Variants in ZSCAN29 observed in about 807,000 individuals in gnomAD.
ZSCAN29 encodes the protein zinc finger and SCAN domain-containing protein 29.
In ZSCAN29, 55 loss-of-function variants were observed where a neutral mutation model predicts 71.9. The ratio of observed to expected loss-of-function variants is 0.76; its 90% CI spans 0.62 to 0.96. The LOEUF is 0.96. ZSCAN29 is among the 40% of genes least tolerant of loss of function. The pLI is 0.00. For synonymous variants in ZSCAN29, 351 were observed against 371.6 expected (o/e 0.94, Z 0.64); for missense variants, 1,042 against 1,042.2 (o/e 1.00, Z 0.00).
rs368938451 is a variant in ZSCAN29 at position 43,361,922 on chromosome 15, C to T, written c.1710G>A (p.Glu570=). 2 of 1,608,248 alleles carry T rather than the reference C, an allele frequency of 1.2e-6. No individual in the cohort carries two copies. The highest frequency in any genetic ancestry group is 2.2e-5 in the South Asian group (2 of 90,416). ...TATCCCGTTTTGAATTATCTTCATT[C>T]TCAAATCCAGCTTCAAAACCTGATG... ...QSPRGFEAGF[E]NEDNSKRDIS... Residue 570 remains glutamate, a synonymous_variant, in exon 6 of 6, where the codon GAG becomes GAA. Coordinates refer to ENST00000684362, the MANE Select transcript of ZSCAN29 (RefSeq NM_001372080.1).
chr15:43,359,598 A>C lies in ZSCAN29; in HGVS notation c.*1475T>G, dbSNP rs2043961559. 6.6e-6 allele frequency: 1 copy of C among 152,240 alleles called. No homozygotes were observed. Among genetic ancestry groups the C allele is most frequent in the South Asian group, 2.1e-4 (1 of 4,830 alleles). The allele number at this position is 152,240 out of a possible 1,614,324, so 9.4% of individuals were successfully genotyped here. ...GGGAATGTGGCAGTGGCTTCTGCTT[A>C]TTGCAGGTAAGTGCCCATGGAGGGC... On this transcript the variant is annotated 3_prime_UTR_variant, in exon 6 of 6. Transcript: ENST00000684362.
chr15:43,366,576 C>T lies in ZSCAN29; in HGVS notation c.756G>A (p.Glu252=). The change falls in exon 4 of 6, where the codon GAG becomes GAA. Residue 252 remains glutamate, a synonymous_variant. Transcript: ENST00000684362. ...KVAGVHWGYE[E]TRTLLAILSQ... The stretch of plus-strand genomic sequence containing the variant: ...TGAGAATTGCGAGGAGCGTTCTGGT[C>T]TCTTCATAGCCCCAGTGCACACCTG... The T allele has an allele frequency of 1.2e-6, 2 of 1,614,244 alleles. No individual in the cohort carries two copies. The highest frequency in any genetic ancestry group is 8.5e-7 in the Non-Finnish European group (1 of 1,180,044).
At position 43,371,021 on chromosome 15, in the gene ZSCAN29, A is replaced by G. The variant is rs1219240343; in HGVS notation, c.-576T>C. 8.7e-6 allele frequency: 3 copies of G among 345,334 alleles called. No individual in the cohort carries two copies. The highest frequency in any genetic ancestry group is 2.1e-5 in the African/African-American group (1 of 47,180). 21.4% of individuals were successfully genotyped at this position (345,334 alleles called of 1,614,324 possible). A position where few individuals can be genotyped will look rare whatever the true frequency, so the allele number is the denominator to read the frequency against. On this transcript the variant is annotated 5_prime_UTR_variant, in exon 1 of 6. Transcript: ENST00000684362. ...CCGGCCCCGGCTCTCCAGCCTCCCA[A>G]GTACAGCTCCCAAACCGGAAGTCCG...
chr15:43,360,782 C>T lies in ZSCAN29; in HGVS notation c.*291G>A. 2 of 342,486 alleles carry T rather than the reference C, an allele frequency of 5.8e-6. No individual in the cohort carries two copies. Among genetic ancestry groups the T allele is most frequent in the Non-Finnish European group, 1.1e-5 (2 of 186,468 alleles). The allele number at this position is 342,486 out of a possible 1,614,324, so 21.2% of individuals were successfully genotyped here. A position where few individuals can be genotyped will look rare whatever the true frequency, so the allele number is the denominator to read the frequency against. On this transcript the variant is annotated 3_prime_UTR_variant, in exon 6 of 6. Coordinates refer to ENST00000684362, the MANE Select transcript of ZSCAN29 (RefSeq NM_001372080.1). ...TTATCAAATTCATAGGATCTATTACCTTGTCCTCTGTGCTTATATTAAGGG... is the reference window on the plus strand; with the variant it reads ...TTATCAAATTCATAGGATCTATTACTTTGTCCTCTGTGCTTATATTAAGGG...
In ZSCAN29 at chr15:43,361,753, T is replaced by C; in HGVS notation, c.1879A>G (p.Lys627Glu). ...WAKTSGEKRG[K>E]LTLPEKSLSE... ...AAGCTCTTCTCCGGGAGTGTCAGTT[T>C]TCCTCTTTTCTCCCCTGAGGTCTTT... Residue 627 changes from lysine to glutamate, a missense_variant, in exon 6 of 6, where the codon AAA (lysine) becomes GAA (glutamate). Transcript: ENST00000684362. The C allele has an allele frequency of 6.2e-7, 1 of 1,614,212 alleles. No homozygotes were observed. The highest frequency in any genetic ancestry group is 8.5e-7 in the Non-Finnish European group (1 of 1,180,042).
Position 43,360,944 on chromosome 15 carries a change from C to G in ZSCAN29, c.*129G>C, listed in dbSNP as rs1258164659. On this transcript the variant is annotated 3_prime_UTR_variant, in exon 6 of 6. Coordinates refer to ENST00000684362, the MANE Select transcript of ZSCAN29 (RefSeq NM_001372080.1). The stretch of plus-strand genomic sequence containing the variant: ...TAGATCAGGAAAAACAAGGAACAAA[C>G]AGTGGCATAAATCCTAAAGTGAATT... 3 of 1,274,502 alleles carry G rather than the reference C, an allele frequency of 2.4e-6. No individual in the cohort carries two copies. Among genetic ancestry groups the G allele is most frequent in the Non-Finnish European group, 3.2e-6 (3 of 929,782 alleles). The allele number at this position is 1,274,502 out of a possible 1,614,324, so 78.9% of individuals were successfully genotyped here. A position where few individuals can be genotyped will look rare whatever the true frequency, so the allele number is the denominator to read the frequency against.
At position 43,359,648 on chromosome 15, in the gene ZSCAN29, A is replaced by T. The variant is rs1387330351; in HGVS notation, c.*1425T>A. On this transcript the variant is annotated 3_prime_UTR_variant, in exon 6 of 6. Coordinates refer to ENST00000684362, the MANE Select transcript of ZSCAN29 (RefSeq NM_001372080.1). Reference sequence around the variant, plus strand: ...CATAACACTATACCAGGTGTGTGGAATATGGACGAGTTCCTATTGGCAGCT... The same window carrying T: ...CATAACACTATACCAGGTGTGTGGATTATGGACGAGTTCCTATTGGCAGCT... 1 of 152,254 alleles carries T rather than the reference A, an allele frequency of 6.6e-6. No homozygotes were observed. The highest frequency in any genetic ancestry group is 1.5e-5 in the Non-Finnish European group (1 of 68,042). The allele number at this position is 152,254 out of a possible 1,614,324, so 9.4% of individuals were successfully genotyped here. A position where few individuals can be genotyped will look rare whatever the true frequency, so the allele number is the denominator to read the frequency against.
intron 5 of ZSCAN29, 120 bp from the exon 6 acceptor site, chr15:43,362,061 C>A: frequency 1.1e-6 from 1 of 939,950 alleles, no homozygotes; most frequent in Non-Finnish European, 1.6e-6. Context: ...AGCCCTAGAT[C>A]CCAAATAACT....
In ZSCAN29 at chr15:43,366,370, C is replaced by T; in HGVS notation, c.962G>A (p.Cys321Tyr). ...KVKSGHPPETCPFFEEMEALM... is the reference protein window; with the variant it reads ...KVKSGHPPETYPFFEEMEALM... ...GGCTTCCATCTCTTCAAAGAAGGGGCAGGTCTCAGGTGGGTGGCCGCTCTT... is the reference window on the plus strand; with the variant it reads ...GGCTTCCATCTCTTCAAAGAAGGGGTAGGTCTCAGGTGGGTGGCCGCTCTT... Residue 321 changes from cysteine (C) to tyrosine (Y), a missense_variant, in exon 4 of 6, where the codon TGC (cysteine) becomes TAC (tyrosine). Physicochemically the swap from Cys to Tyr is radical, Grantham distance 194. Coordinates refer to ENST00000684362, the MANE Select transcript of ZSCAN29 (RefSeq NM_001372080.1). The T allele has an allele frequency of 6.2e-7, 1 of 1,613,986 alleles. No individual in the cohort carries two copies. The highest frequency in any genetic ancestry group is 2.2e-5 in the East Asian group (1 of 44,884).
chr15:43,359,507 AT>A lies in ZSCAN29; in HGVS notation c.*1565del, dbSNP rs1340965690. 1.3e-5 allele frequency: 2 copies of A among 152,252 alleles called. No homozygotes were observed. The highest frequency in any genetic ancestry group is 1.5e-5 in the Non-Finnish European group (1 of 68,046). The allele number at this position is 152,252 out of a possible 1,614,324, so 9.4% of individuals were successfully genotyped here. ...TTGGCAGCTCCACTGGCCAAAGATA[AT>A]CCATCTTCCCTGCCATTAGGGTAAA... On this transcript the variant is annotated 3_prime_UTR_variant, in exon 6 of 6. Coordinates refer to ENST00000684362, the MANE Select transcript of ZSCAN29 (RefSeq NM_001372080.1).
At chr15:43,363,793 G>C in intron 5 of ZSCAN29, 122 bp downstream of exon 5, 1 of 904,650 alleles carries the variant, frequency 1.1e-6, no homozygotes, top group Non-Finnish European at 1.6e-6. Context: ...AGAAATATGG[G>C]TGGTCACAAG....
chr15:43,364,430 A>G, intron 4 of ZSCAN29, 48 bp from the exon 5 acceptor site: 3 of 1,535,890 alleles, frequency 2.0e-6, no homozygotes, highest in Non-Finnish European at 2.7e-6. Flanking sequence ...AGAGCTTTAG[A>G]GCCTGAATTC....
Position 43,369,885 on chromosome 15 carries a change from TTC to T in ZSCAN29, c.27_28del (p.Asn10TrpfsTer3). 1 of 1,609,638 alleles carries T rather than the reference TTC, an allele frequency of 6.2e-7. No homozygotes were observed. Among genetic ancestry groups the T allele is most frequent in the Admixed American group, 1.7e-5 (1 of 59,958 alleles). On this transcript the variant is annotated frameshift_variant, in exon 2 of 6. Transcript: ENST00000684362. LOFTEE classifies it high-confidence loss of function. Reference sequence around the variant, plus strand: ...TCGGAAGGTCTCAGAGTTAGTGCCATTCTCTCTTAGAGCTGATTTGGCCATCA... The same window carrying T: ...TCGGAAGGTCTCAGAGTTAGTGCCATTCTCTTAGAGCTGATTTGGCCATCA...
In ZSCAN29 at chr15:43,366,641, C is replaced by T; in HGVS notation, c.691G>A (p.Val231Met). ...TCAAAGCTCCAGTGATCCTGTTCCA[C>T]CCAGCTTCTTCTATCTTTCTTGGAT... ...LPSKKDRRSW[V>M]EQDHWSFEDE... is the part of the protein sequence containing the mutation. Residue 231 changes from valine to methionine, a missense_variant, in exon 4 of 6, where the codon GTG (valine) becomes ATG (methionine). By Grantham distance (21) the Val-to-Met change is conservative. Coordinates refer to ENST00000684362, the MANE Select transcript of ZSCAN29 (RefSeq NM_001372080.1). The T allele has an allele frequency of 6.2e-7, 1 of 1,614,260 alleles. No homozygotes were observed. Among genetic ancestry groups the T allele is most frequent in the Non-Finnish European group, 8.5e-7 (1 of 1,180,048 alleles).
rs757685967 is a variant in ZSCAN29 at position 43,369,562 on chromosome 15, C to T, written c.318+34G>A. The T allele has an allele frequency of 1.1e-5, 17 of 1,589,866 alleles. No individual in the cohort carries two copies. In the Middle Eastern group the frequency reaches 6.7e-4, roughly 63 times the overall value. On this transcript the variant is annotated intron_variant, in intron 2 of 5. Transcript: ENST00000684362. ...TAATTTAGCCCTCCACCCAGTATCACACTTTTGAATTTGAATTCCCCCTCC... is the reference window on the plus strand; with the variant it reads ...TAATTTAGCCCTCCACCCAGTATCATACTTTTGAATTTGAATTCCCCCTCC...
chr15:43,367,955 A>G (rs1566884301), intron 3 of ZSCAN29, among the ~76,000 whole-genome samples: 1 of 152,214 alleles, frequency 6.6e-6, no homozygotes, highest in Non-Finnish European at 1.5e-5. Flanking sequence ...ACAAAGAAGA[A>G]AAACAAGTTC....
In ZSCAN29 at chr15:43,358,885, G is replaced by A. The variant is rs1403019976; in HGVS notation, c.*2188C>T. 1 of 152,174 alleles carries A rather than the reference G, an allele frequency of 6.6e-6. No individual in the cohort carries two copies. The highest frequency in any genetic ancestry group is 2.4e-5 in the African/African-American group (1 of 41,424). 9.4% of individuals were successfully genotyped at this position (152,174 alleles called of 1,614,324 possible). On this transcript the variant is annotated 3_prime_UTR_variant, in exon 6 of 6. Transcript: ENST00000684362. ...CTCATGGTCTGCTCCTAACACCCAT[G>A]TTTCAGCTAAGGTGATTCTCTCTGC... is the stretch of plus-strand genomic sequence containing the variant.
Position 43,363,913 on chromosome 15 carries a change from AC to A in ZSCAN29, c.1690+1del. 1 of 1,581,526 alleles carries A rather than the reference AC, an allele frequency of 6.3e-7. No homozygotes were observed. The highest frequency in any genetic ancestry group is 8.6e-7 in the Non-Finnish European group (1 of 1,162,244). Reference sequence around the variant, plus strand: ...TATACCATAATAGTGAAATAATCTTACCACGGGGGCTTTGGAATAACACTGG... The same window carrying A: ...TATACCATAATAGTGAAATAATCTTACACGGGGGCTTTGGAATAACACTGG... On this transcript the variant is annotated splice_donor_variant, in intron 5 of 5. Transcript: ENST00000684362. LOFTEE classifies it high-confidence loss of function.
intron 3 of ZSCAN29, 132 bp downstream of exon 3, chr15:43,368,790 TA>T: frequency 1.3e-6 from 1 of 794,366 alleles, no homozygotes; most frequent in Non-Finnish European, 2.0e-6. Flanking sequence ...TACCAGAGGC[TA>T]AACTACATGT....
Sources: gnomAD v4.1 joint callset for allele counts (sites outside exome capture counted in the v4.1 genomes callset) on GRCh38, gnomAD v4.1.1 for gene constraint, MANE v1.5 for transcripts, NCBI Gene and HGNC (gene_info 2026-07-23, HGNC 2026-07-21) for gene names.